Variants in USP43 observed in about 807,000 individuals in gnomAD.
USP43 encodes ubiquitin carboxyl-terminal hydrolase 43.
A neutral mutation model predicts 90.7 loss-of-function variants in USP43; 33 were observed. The ratio of observed to expected loss-of-function variants is 0.36; its 90% CI spans 0.28 to 0.49. The LOEUF is 0.49. Ranked by LOEUF, USP43 falls within the 20% of genes least tolerant of loss-of-function variation. USP43 has a pLI of 0.98. For missense variants in USP43, 1,274 were observed against 1,476.4 expected (o/e 0.86, Z 2.25); for synonymous variants, 598 against 615.8 (o/e 0.97, Z 0.43).
chr17:9,717,313 C>A (rs928408846), intron 14 of USP43, among the ~76,000 whole-genome samples: 2 of 151,710 alleles, frequency 1.3e-5, no homozygotes, highest in Non-Finnish European at 2.9e-5. Flanking sequence ...GTCTGCACGT[C>A]TGCATTTCTG....
intron 2 of USP43, among the ~76,000 whole-genome samples, chr17:9,661,466 C>T (rs1213173836): frequency 1.3e-5 from 2 of 152,112 alleles, no homozygotes; most frequent in Non-Finnish European, 2.9e-5. Flanking sequence ...CAGCACTCCT[C>T]CTGCCTCAGC....
intron 2 of USP43, among the ~76,000 whole-genome samples, chr17:9,663,742 G>A (rs1232718646): frequency 6.6e-6 from 1 of 152,100 alleles, no homozygotes. Flanking sequence ...TCCTGCCTCG[G>A]CCTCCTGAGT....
chr17:9,687,408 G>A (rs1439621326), intron 8 of USP43, among the ~76,000 whole-genome samples: 1 of 152,164 alleles, frequency 6.6e-6, no homozygotes, highest in African/African-American at 2.4e-5. Context: ...GTCCAAATAT[G>A]AAAATCTAAA....
chr17:9,669,647 G>A (rs932023694), intron 3 of USP43: 2 of 152,204 alleles, frequency 1.3e-5, no homozygotes, highest in African/African-American at 4.8e-5. Flanking sequence ...AGAAAGATAA[G>A]GAAGCACTTG....
At position 9,729,555 on chromosome 17, in the gene USP43, T is replaced by C. The variant is rs916992354; in HGVS notation, c.*565T>C. ...ATGGCTGAGAGTTCAGGTGAATATT[T>C]AATATATTAAAAATTGTATTAAAGT... is the stretch of plus-strand genomic sequence containing the variant. On this transcript the variant is annotated 3_prime_UTR_variant, in exon 15 of 15. Transcript: ENST00000285199. 7.9e-5 allele frequency: 12 copies of C among 151,944 alleles called. No individual in the cohort carries two copies. The highest frequency in any genetic ancestry group is 2.9e-4 in the African/African-American group (12 of 41,398). 9.4% of individuals were successfully genotyped at this position (151,944 alleles called of 1,614,324 possible).
rs1916228203 is a variant in USP43, at chr17:9,712,031, CAAGGGG to C, written c.2238_2243del (p.Arg746_Gly747del). ...CGGCTCGGGAGCCACGCTGGCAGCA[CAAGGGG>C]AAGCCTGCTGTCCTGGAGCTCTGCC... On this transcript the variant is annotated inframe_deletion, in exon 14 of 15. Transcript: ENST00000285199. 6.2e-7 allele frequency: 1 copy of C among 1,612,516 alleles called. No individual in the cohort carries two copies. Among genetic ancestry groups the C allele is most frequent in the Non-Finnish European group, 8.5e-7 (1 of 1,179,298 alleles).
chr17:9,705,209 T>C (rs1915800952), intron 12 of USP43, among the ~76,000 whole-genome samples: 1 of 151,966 alleles, frequency 6.6e-6, no homozygotes, highest in Non-Finnish European at 1.5e-5. Context: ...TTTTTCTATA[T>C]ACATATATAT....
intron 2 of USP43, 125 bp downstream of exon 2, chr17:9,656,659 T>C: frequency 1.6e-6 from 2 of 1,259,866 alleles, no homozygotes; most frequent in Non-Finnish European, 2.1e-6. Flanking sequence ...CTGGCTACTA[T>C]ATCCACAGTC....
At chr17:9,656,642 A>C (rs767874305) in intron 2 of USP43, 108 bp downstream of exon 2, 21 of 1,389,734 alleles carry the variant, frequency 1.5e-5, no homozygotes, top group Non-Finnish European at 1.9e-5. Context: ...TTAGATTCCT[A>C]TATAGTCTGG....
chr17:9,666,175 A>G (rs1913023435), intron 2 of USP43, among the ~76,000 whole-genome samples: 1 of 152,206 alleles, frequency 6.6e-6, no homozygotes, highest in Non-Finnish European at 1.5e-5. Flanking sequence ...TTGCCTGCAA[A>G]AGAGAATACT....
At chr17:9,723,653 G>T (rs549792251) in intron 14 of USP43, among the ~76,000 whole-genome samples, 1 of 147,746 alleles carries the variant, frequency 6.8e-6, no homozygotes, top group East Asian at 2.0e-4. Context: ...GTACGATCTT[G>T]GCTCACTGCA....
chr17:9,671,031 T>A (rs552264595), intron 3 of USP43, among the ~76,000 whole-genome samples: 1 of 152,142 alleles, frequency 6.6e-6, no homozygotes, highest in Non-Finnish European at 1.5e-5. Context: ...GCCTTCTTGA[T>A]GTAATTGAGA....
intron 1 of USP43, among the ~76,000 whole-genome samples, chr17:9,655,418 C>T (rs909302372): frequency 3.9e-5 from 6 of 152,204 alleles, no homozygotes; most frequent in South Asian, 2.1e-4. Context: ...AGGGGTACCA[C>T]GGGATGAAGG....
At chr17:9,707,642 G>A (rs1378731262) in intron 12 of USP43, among the ~76,000 whole-genome samples, 1 of 103,476 alleles carries the variant, frequency 9.7e-6, no homozygotes, top group Non-Finnish European at 1.8e-5. Flanking sequence ...CCGAGACTCT[G>A]TCTCAAAAAA....
chr17:9,714,968 G>A (rs1916415812), intron 14 of USP43, among the ~76,000 whole-genome samples: 1 of 152,204 alleles, frequency 6.6e-6, no homozygotes, highest in Non-Finnish European at 1.5e-5. Context: ...TGGCTGGAGA[G>A]AAGGGAGGCC....
At chr17:9,657,504 A>AT (rs1253340125) in intron 2 of USP43, among the ~76,000 whole-genome samples, 1 of 152,014 alleles carries the variant, frequency 6.6e-6, no homozygotes, top group African/African-American at 2.4e-5. Flanking sequence ...CGTCTCAAAA[A>AT]AAAAAGAAAA....
At chr17:9,708,502 G>C (rs1296649921) in intron 12 of USP43, among the ~76,000 whole-genome samples, 1 of 152,158 alleles carries the variant, frequency 6.6e-6, no homozygotes, top group Non-Finnish European at 1.5e-5. Context: ...CTGGCTTTTG[G>C]ATTAGGTGTG....
At chr17:9,715,191 C>CA (rs1185660822) in intron 14 of USP43, among the ~76,000 whole-genome samples, 1 of 152,180 alleles carries the variant, frequency 6.6e-6, no homozygotes, top group Non-Finnish European at 1.5e-5. Flanking sequence ...TGAGCGTTGT[C>CA]AGATCACGCC....
intron 9 of USP43, among the ~76,000 whole-genome samples, chr17:9,698,824 T>C (rs117335247): frequency 6.6e-6 from 1 of 152,384 alleles, no homozygotes; most frequent in Non-Finnish European, 1.5e-5. Context: ...TTTAGGTTTA[T>C]TCATAAGACT....
Sources: allele counts gnomAD v4.1 joint callset (sites outside exome capture counted in the v4.1 genomes callset), GRCh38; gene constraint gnomAD v4.1.1; transcripts MANE v1.5; gene names NCBI Gene and HGNC (gene_info 2026-07-23, HGNC 2026-07-21).